The following SV2C variants were observed in gnomAD, a reference collection of about 807,000 sequenced individuals.
SV2C encodes the protein solute carrier family 22 member B3.
Under a neutral mutation model 79.7 loss-of-function variants are expected in SV2C, and 49 were observed. The ratio of observed to expected loss-of-function variants is 0.61; its 90% confidence interval spans 0.49 to 0.78. SV2C has a LOEUF of 0.78. SV2C is among the 30% of genes least tolerant of loss of function. The pLI, the probability that SV2C is intolerant of heterozygous loss-of-function variation, is 0.00. For missense variants in SV2C, 833 were observed against 912.9 expected (o/e 0.91, Z 1.13); for synonymous variants, 334 against 333.2 (o/e 1.00, Z -0.03).
chr5:76,019,857 A>G, the SV2C span, among the ~76,000 whole-genome samples: 2 of 152,188 alleles, frequency 1.3e-5, no homozygotes, highest in Admixed American at 6.6e-5. Context: ...GTCATGGATA[A>G]TGAATTGGAT....
chr5:76,132,045 A>G lies in SV2C; in HGVS notation c.295A>G (p.Met99Val). The G allele has an allele frequency of 6.2e-7, 1 of 1,612,308 alleles. No individual in the cohort carries two copies. The highest frequency in any genetic ancestry group is 8.5e-7 in the Non-Finnish European group (1 of 1,178,960). The change falls in exon 2 of 13, where the codon ATG (methionine) becomes GTG (valine). Residue 99 changes from methionine to valine, a missense_variant. Physicochemically the swap from Met to Val is conservative, Grantham distance 21. Coordinates refer to ENST00000502798, the MANE Select transcript of SV2C (RefSeq NM_014979.4). ...GGGGGAGTATCAGGGCATCCCCAGT[A>G]TGAACCAAGCGAAGGACAGCATCGT... Reference protein sequence around the residue: ...YEGEYQGIPSMNQAKDSIVSV... With the variant: ...YEGEYQGIPSVNQAKDSIVSV...
At chr5:76,178,002 G>T (rs1306784737) in intron 2 of SV2C, among the ~76,000 whole-genome samples, 1 of 152,162 alleles carries the variant, frequency 6.6e-6, no homozygotes, top group Non-Finnish European at 1.5e-5. Flanking sequence ...AACTTAAGAA[G>T]ATAAATACAT....
chr5:75,923,614 A>G, the SV2C span, among the ~76,000 whole-genome samples: 4 of 152,206 alleles, frequency 2.6e-5, no homozygotes, highest in Admixed American at 1.3e-4. Context: ...ACATAAATAG[A>G]CAATTCTCAA....
intron 12 of SV2C, among the ~76,000 whole-genome samples, chr5:76,313,054 T>G (rs1363763506): frequency 6.6e-6 from 1 of 152,158 alleles, no homozygotes; most frequent in Non-Finnish European, 1.5e-5. Context: ...GGGACACCAC[T>G]CAGCCTAGCT....
At chr5:76,204,502 G>C (rs1744550060) in intron 3 of SV2C, among the ~76,000 whole-genome samples, 1 of 152,140 alleles carries the variant, frequency 6.6e-6, no homozygotes, top group African/African-American at 2.4e-5. Flanking sequence ...TCTTCCAGTG[G>C]AAATGGGAAA....
the SV2C span, among the ~76,000 whole-genome samples, chr5:75,914,757 A>G: frequency 6.6e-6 from 1 of 152,232 alleles, no homozygotes; most frequent in Admixed American, 6.5e-5. Context: ...AGTGGTTTCT[A>G]TTATTACAGC....
the SV2C span, among the ~76,000 whole-genome samples, chr5:75,996,527 A>G: frequency 1.3e-5 from 2 of 152,162 alleles, no homozygotes; most frequent in Non-Finnish European, 1.5e-5. Context: ...GAAGAAAGTC[A>G]TTGGTAGCTT....
the SV2C span, among the ~76,000 whole-genome samples, chr5:76,032,768 T>A: frequency 1.3e-5 from 2 of 152,226 alleles, no homozygotes; most frequent in Non-Finnish European, 2.9e-5. Context: ...TACCCAGTAA[T>A]GGGATGGCTG....
chr5:76,109,493 T>C (rs544514955), intron 1 of SV2C, among the ~76,000 whole-genome samples: 1 of 152,292 alleles, frequency 6.6e-6, no homozygotes, highest in East Asian at 1.9e-4. Flanking sequence ...GTGTTACGGG[T>C]TAAAATGTGT....
At chr5:76,162,343 A>G (rs1483514747) in intron 2 of SV2C, among the ~76,000 whole-genome samples, 2 of 152,212 alleles carry the variant, frequency 1.3e-5, no homozygotes, top group Admixed American at 6.5e-5. Context: ...GCGATGTTAC[A>G]AATATTGTAA....
the SV2C span, among the ~76,000 whole-genome samples, chr5:75,981,744 A>G: frequency 6.6e-6 from 1 of 152,162 alleles, no homozygotes; most frequent in Non-Finnish European, 1.5e-5. Flanking sequence ...CTTAAATGTA[A>G]AACCCAAAAC....
chr5:76,035,072 T>C, the SV2C span, among the ~76,000 whole-genome samples: 1 of 152,160 alleles, frequency 6.6e-6, no homozygotes, highest in Non-Finnish European at 1.5e-5. Context: ...GTAGTTTGTA[T>C]TTCTGTGGGA....
At chr5:75,911,482 C>T in the SV2C span, 10 of 838,472 alleles carry the variant, frequency 1.2e-5, no homozygotes, top group Admixed American at 2.1e-4. Flanking sequence ...ACCCTCCAGT[C>T]CTCCAGCCTC....
In SV2C at chr5:76,283,500, T is replaced by C. The variant is rs375923005; in HGVS notation, c.914-1662T>C. 2.0e-5 allele frequency among the ~76,000 whole-genome samples: 3 copies of C among 152,346 alleles called. No individual in the cohort carries two copies. The East Asian group carries it at 5.8e-4, about 29-fold the overall frequency. ...TTCAGTGCCTTAAAGTAATAGGATT[T>C]AGAGCTTTTAAAAAGAAGTTCTTTA... On this transcript the variant is annotated intron_variant, in intron 4 of 12. Coordinates refer to ENST00000502798, the MANE Select transcript of SV2C (RefSeq NM_014979.4).
chr5:76,342,620 G>C (rs1201662887), intron 12 of SV2C, among the ~76,000 whole-genome samples: 1 of 152,192 alleles, frequency 6.6e-6, no homozygotes, highest in African/African-American at 2.4e-5. Context: ...GGAGTTGGGA[G>C]CTCAGTCTCT....
At chr5:75,956,506 C>T in the SV2C span, among the ~76,000 whole-genome samples, 1 of 151,778 alleles carries the variant, frequency 6.6e-6, no homozygotes, top group Non-Finnish European at 1.5e-5. Context: ...TGTAACTAAC[C>T]TGCACATTGT....
intron 12 of SV2C, among the ~76,000 whole-genome samples, chr5:76,339,651 T>C (rs141922860): frequency 0.06 from 9,028 of 151,568 alleles, 822 homozygotes; most frequent in African/African-American, 0.2. Flanking sequence ...GAGGCGGAGC[T>C]TGCAGTGAGC....
intron 2 of SV2C, among the ~76,000 whole-genome samples, chr5:76,170,108 TTTAA>T (rs778525852): frequency 4.0e-4 from 61 of 152,174 alleles, no homozygotes; most frequent in Admixed American, 1.4e-3. Flanking sequence ...ATTGCACCAC[TTTAA>T]TTAAGGCTTT....
chr5:76,180,690 C>T (rs137995591), intron 2 of SV2C, among the ~76,000 whole-genome samples: 2 of 152,274 alleles, frequency 1.3e-5, no homozygotes, highest in Admixed American at 1.3e-4. Flanking sequence ...CCTCCTGGCC[C>T]GAGACTGCCC....
Sources: gnomAD v4.1 joint callset for allele counts (sites outside exome capture counted in the v4.1 genomes callset) on GRCh38, gnomAD v4.1.1 for gene constraint, MANE v1.5 for transcripts, NCBI Gene and HGNC (gene_info 2026-07-23, HGNC 2026-07-21) for gene names.